The following MGAT4A variants were observed in gnomAD, a reference collection of about 807,000 sequenced individuals.
MGAT4A encodes the protein N-acetylglucosaminyltransferase IVa.
Under a neutral mutation model 74.1 loss-of-function variants are expected in MGAT4A, and 33 were observed. The ratio of observed to expected loss-of-function variants is 0.45; its 90% CI spans 0.34 to 0.60. The LOEUF is 0.60. MGAT4A is among the 20% of genes least tolerant of loss of function. MGAT4A has a pLI of 0.02. For missense variants in MGAT4A, 479 were observed against 628.3 expected (o/e 0.76, Z 2.54); for synonymous variants, 198 against 210.4 (o/e 0.94, Z 0.51).
intron 12 of MGAT4A, among the ~76,000 whole-genome samples, chr2:98,638,937 C>T (rs1409926233): frequency 6.6e-6 from 1 of 152,182 alleles, no homozygotes; most frequent in Non-Finnish European, 1.5e-5. Flanking sequence ...ATGCCACTGC[C>T]AATCTGGGGA....
chr2:98,642,555 A>AT (rs1477931367), intron 10 of MGAT4A, among the ~76,000 whole-genome samples: 1 of 152,172 alleles, frequency 6.6e-6, no homozygotes, highest in Non-Finnish European at 1.5e-5. Flanking sequence ...TCTACTATAG[A>AT]TGTTTTCACC....
intron 9 of MGAT4A, among the ~76,000 whole-genome samples, chr2:98,644,264 T>C (rs760158816): frequency 6.6e-5 from 10 of 152,338 alleles, no homozygotes; most frequent in Non-Finnish European, 1.5e-4. Context: ...TAAACAGATA[T>C]AGTAAATTCC....
intron 2 of MGAT4A, among the ~76,000 whole-genome samples, chr2:98,702,413 T>C (rs760342962): frequency 1.4e-4 from 22 of 152,186 alleles, no homozygotes; most frequent in Non-Finnish European, 2.9e-4. Context: ...GGAGACTTAA[T>C]AGGGAGGCCT....
At position 98,651,260 on chromosome 2, in the gene MGAT4A, T is replaced by C. The variant is rs186312428; in HGVS notation, c.774+4185A>G. On this transcript the variant is annotated intron_variant, in intron 8 of 15. Coordinates refer to ENST00000393487, the MANE Select transcript of MGAT4A (RefSeq NM_012214.3). ...GTAAAGGTAAATATACAGATAAATA[T>C]AGACGTAGTAAGGTAATGCAGGTGC... Among the ~76,000 whole-genome samples, 637 of 152,280 alleles carry C rather than the reference T, an allele frequency of 4.2e-3. 6 individuals carry two copies. The highest frequency in any genetic ancestry group is 0.014 in the African/African-American group (569 of 41,544).
At position 98,624,472 on chromosome 2, in the gene MGAT4A, T is replaced by A. The variant is rs1701114361; in HGVS notation, c.*1094A>T. The A allele has an allele frequency of 1.0e-6, 1 of 972,720 alleles. No individual in the cohort carries two copies. The highest frequency in any genetic ancestry group is 1.2e-6 in the Non-Finnish European group (1 of 818,418). The allele number at this position is 972,720 out of a possible 1,614,324, so 60.3% of individuals were successfully genotyped here. A position where few individuals can be genotyped will look rare whatever the true frequency, so the allele number is the denominator to read the frequency against. ...ACTCACTTATCAGTTCATACTACAA[T>A]AAAATCATTTTGGAAAATATACTAC... On this transcript the variant is annotated 3_prime_UTR_variant, in exon 16 of 16. Transcript: ENST00000393487.
At chr2:98,714,127 A>G (rs1702558389) in intron 2 of MGAT4A, among the ~76,000 whole-genome samples, 1 of 152,124 alleles carries the variant, frequency 6.6e-6, no homozygotes, top group Non-Finnish European at 1.5e-5. Flanking sequence ...TCGCTCTGTC[A>G]CCCAGGCTGG....
In MGAT4A at chr2:98,624,833, G is replaced by A. The variant is rs771121443; in HGVS notation, c.*733C>T. On this transcript the variant is annotated 3_prime_UTR_variant, in exon 16 of 16. Coordinates refer to ENST00000393487, the MANE Select transcript of MGAT4A (RefSeq NM_012214.3). ...ACACAGTATAGTAAAGTAACCCTCAGGAAGGACATTAGTCTTTAAAATCTT... is the reference window on the plus strand; with the variant it reads ...ACACAGTATAGTAAAGTAACCCTCAAGAAGGACATTAGTCTTTAAAATCTT... 1.5e-5 allele frequency: 15 copies of A among 985,428 alleles called. No individual in the cohort carries two copies. Among genetic ancestry groups the A allele is most frequent in the Middle Eastern group, 1.0e-3 (2 of 1,936 alleles). 61.0% of individuals were successfully genotyped at this position (985,428 alleles called of 1,614,324 possible).
chr2:98,713,277 G>T (rs1000498120), intron 2 of MGAT4A, among the ~76,000 whole-genome samples: 2 of 143,462 alleles, frequency 1.4e-5, no homozygotes, highest in Non-Finnish European at 3.0e-5. Context: ...AGCAAAAAAA[G>T]ATACAGAATC....
intron 2 of MGAT4A, among the ~76,000 whole-genome samples, chr2:98,708,276 C>G (rs890619946): frequency 6.6e-6 from 1 of 151,992 alleles, no homozygotes; most frequent in African/African-American, 2.4e-5. Flanking sequence ...CCAGTGAGCA[C>G]AGCTGACAAC....
intron 2 of MGAT4A, among the ~76,000 whole-genome samples, chr2:98,715,317 C>CAAAAAAAAAAA (rs201860893): frequency 4.7e-5 from 3 of 63,256 alleles, no homozygotes; most frequent in Non-Finnish European, 9.9e-5. Flanking sequence ...GACTTCATCT[C>CAAAAAAAAAAA]AAAAAAAAAA....
chr2:98,677,449 A>G (rs1000664506), intron 3 of MGAT4A, among the ~76,000 whole-genome samples: 1 of 152,268 alleles, frequency 6.6e-6, no homozygotes, highest in Middle Eastern at 3.4e-3. Context: ...ATTCCACTGC[A>G]ATTTAACTTT....
chr2:98,654,949 G>C (rs895154276), intron 8 of MGAT4A, among the ~76,000 whole-genome samples: 7 of 152,096 alleles, frequency 4.6e-5, no homozygotes, highest in Admixed American at 3.3e-4. Context: ...ATGACATATT[G>C]TGTTCTTGGT....
intron 5 of MGAT4A, among the ~76,000 whole-genome samples, chr2:98,658,605 C>G (rs1701695802): frequency 6.6e-6 from 1 of 152,088 alleles, no homozygotes; most frequent in African/African-American, 2.4e-5. Flanking sequence ...GATTTTTCTA[C>G]TTGGAATCAT....
rs78500762 is a variant in MGAT4A at position 98,662,249 on chromosome 2, T to A, written c.537+797A>T. Among the ~76,000 whole-genome samples, 755 of 152,356 alleles carry A rather than the reference T, an allele frequency of 5.0e-3. 7 individuals carry two copies. Among genetic ancestry groups the A allele is most frequent in the African/African-American group, 0.017 (696 of 41,588 alleles). ...AGCTGAGTGAAGGAGATACCCTCTA[T>A]AATTTCTGCAACTTTCTGTAAATCT... On this transcript the variant is annotated intron_variant, in intron 5 of 15. Transcript: ENST00000393487.
chr2:98,625,324 G>T lies in MGAT4A; in HGVS notation c.*242C>A. 7.8e-7 allele frequency: 1 copy of T among 1,275,852 alleles called. No homozygotes were observed. Among genetic ancestry groups the T allele is most frequent in the Non-Finnish European group, 1.0e-6 (1 of 994,424 alleles). The allele number at this position is 1,275,852 out of a possible 1,614,324, so 79.0% of individuals were successfully genotyped here. On this transcript the variant is annotated 3_prime_UTR_variant, in exon 16 of 16. Coordinates refer to ENST00000393487, the MANE Select transcript of MGAT4A (RefSeq NM_012214.3). Reference sequence around the variant, plus strand: ...TTAGTATAATACCAAAATAGTACAAGTCATATTAACAGGCTGTCATAATTG... The same window carrying T: ...TTAGTATAATACCAAAATAGTACAATTCATATTAACAGGCTGTCATAATTG...
At chr2:98,637,130 T>C (rs1482411511) in intron 12 of MGAT4A, among the ~76,000 whole-genome samples, 1 of 151,952 alleles carries the variant, frequency 6.6e-6, no homozygotes, top group Non-Finnish European at 1.5e-5. Context: ...GGCAACACAG[T>C]GAGACCTCGT....
chr2:98,690,843 ATTG>A (rs1702185225), intron 2 of MGAT4A, among the ~76,000 whole-genome samples: 1 of 152,240 alleles, frequency 6.6e-6, no homozygotes, highest in Non-Finnish European at 1.5e-5. Flanking sequence ...AAATATAATA[ATTG>A]AAACAAAAAA....
At chr2:98,643,730 G>A (rs1701447024) in intron 10 of MGAT4A, among the ~76,000 whole-genome samples, 193 bp downstream of exon 10, 1 of 152,220 alleles carries the variant, frequency 6.6e-6, no homozygotes, top group African/African-American at 2.4e-5. Context: ...ACGTCATCTT[G>A]TAACAGCTTC....
intron 9 of MGAT4A, among the ~76,000 whole-genome samples, chr2:98,644,687 GC>G (rs1225164841): frequency 4.0e-5 from 6 of 151,250 alleles, no homozygotes; most frequent in Admixed American, 4.0e-4. Context: ...AGGCTGGAAT[GC>G]AGGGGCGCGA....
Sources: allele counts gnomAD v4.1 joint callset (sites outside exome capture counted in the v4.1 genomes callset), GRCh38; gene constraint gnomAD v4.1.1; transcripts MANE v1.5; gene names NCBI Gene and HGNC (gene_info 2026-07-23, HGNC 2026-07-21).